The following CDH12 variants were observed in gnomAD, a reference collection of about 807,000 sequenced individuals.
The protein encoded by CDH12 is cadherin-12.
CDH12 carries 41 observed loss-of-function variants against 74.1 expected under a neutral mutation model. The observed-to-expected ratio is 0.55, with a 90% CI of 0.43 to 0.72. The LOEUF (loss-of-function observed/expected upper bound fraction) is 0.72, where lower values mean the gene tolerates loss of function less well. Among genes scored for constraint, CDH12 ranks in the 30% least tolerant of loss-of-function variants. The pLI, the probability that CDH12 is intolerant of heterozygous loss-of-function variation, is 0.00. For missense variants in CDH12, 945 were observed against 977.2 expected, an observed-to-expected ratio of 0.97 and a Z score of 0.44; for synonymous variants, 399 against 355.0, an observed-to-expected ratio of 1.12 and a Z score of -1.39.
At chr5:21,989,504 C>T (rs1277146691) in intron 5 of CDH12, among the ~76,000 whole-genome samples, 1 of 152,152 alleles carries the variant, frequency 6.6e-6, no homozygotes, top group South Asian at 2.1e-4. Flanking sequence ...AAGTAGATGA[C>T]ATCTTTCCCC....
Position 22,161,844 on chromosome 5 carries a change from AATAT to A in CDH12, c.-187+50650_-187+50653del, listed in dbSNP as rs199794635. 8.5e-3 allele frequency among the ~76,000 whole-genome samples: 1,288 copies of A among 152,208 alleles called. 20 individuals carry two copies. The highest frequency in any genetic ancestry group is 0.028 in the African/African-American group (1,146 of 41,510). On this transcript the variant is annotated intron_variant, in intron 4 of 14. Coordinates refer to ENST00000382254, the MANE Select transcript of CDH12 (RefSeq NM_004061.5). ...TTTCTGAAATCTGAGATACTAGAGAAATATATATTTAAAAAATAACATGCATAAT... is the reference window on the plus strand; with the variant it reads ...TTTCTGAAATCTGAGATACTAGAGAAATATTTAAAAAATAACATGCATAAT...
chr5:22,638,293 TAGGGAAGCTGAC>T (rs1329782977), intron 1 of CDH12, among the ~76,000 whole-genome samples: 3 of 152,048 alleles, frequency 2.0e-5, no homozygotes, highest in Non-Finnish European at 4.4e-5. Context: ...ACCTCAAAAG[TAGGGAAGCTGAC>T]AGTGCACCTT....
At chr5:22,683,847 A>G (rs9293030) in intron 1 of CDH12, among the ~76,000 whole-genome samples, 83,554 of 152,030 alleles carry the variant, frequency 0.55, 23,160 homozygotes, top group Non-Finnish European at 0.57. Flanking sequence ...CTTCACCTGA[A>G]ATGAGGCAGG....
At chr5:21,779,171 A>C (rs1189508675) in intron 11 of CDH12, 1 of 151,976 alleles carries the variant, frequency 6.6e-6, no homozygotes, top group Non-Finnish European at 1.5e-5. Context: ...TATTCTAAGG[A>C]TTTAGTGAAG....
At chr5:21,869,260 C>T (rs1407428282) in intron 6 of CDH12, among the ~76,000 whole-genome samples, 2 of 152,034 alleles carry the variant, frequency 1.3e-5, no homozygotes, top group Non-Finnish European at 2.9e-5. Context: ...TTTTATCATG[C>T]CCTATGATTA....
At position 22,231,997 on chromosome 5, in the gene CDH12, G is replaced by T. The variant is rs566719019; in HGVS notation, c.-332-19354C>A. 4.0e-5 allele frequency among the ~76,000 whole-genome samples: 6 copies of T among 151,866 alleles called. No homozygotes were observed. The South Asian group carries it at 1.2e-3, about 32-fold the overall frequency. On this transcript the variant is annotated intron_variant, in intron 3 of 14. Transcript: ENST00000382254. ...TATTTTCGAAGATATTTTATACATT[G>T]CCTAAAATATTAATGAAGGTTTTTT...
At chr5:21,887,055 C>T (rs985359241) in intron 6 of CDH12, among the ~76,000 whole-genome samples, 4 of 152,154 alleles carry the variant, frequency 2.6e-5, no homozygotes, top group Admixed American at 6.5e-5. Context: ...CATATTTACA[C>T]GATAAAATTG....
In CDH12 at chr5:21,752,220, A is replaced by G. The variant is rs1168089180; in HGVS notation, c.1902T>C (p.Tyr634=). ...TTTTCTTCTGCCTTCGCAGTGCTAC[A>G]TACAGTACAACTATGGCTGGAACAA... ...IVILLAIVVL[Y]VALRRQKKKD... The change falls in exon 15 of 15, where the codon TAT becomes TAC. Residue 634 remains tyrosine (Y), a synonymous_variant. Coordinates refer to ENST00000382254, the MANE Select transcript of CDH12 (RefSeq NM_004061.5). The G allele has an allele frequency of 6.2e-7, 1 of 1,610,854 alleles. No individual in the cohort carries two copies. Among genetic ancestry groups the G allele is most frequent in the East Asian group, 2.2e-5 (1 of 44,824 alleles).
Position 21,816,940 on chromosome 5 carries a change from T to C in CDH12, c.1002+5A>G. The C allele has an allele frequency of 6.3e-7, 1 of 1,587,364 alleles. No individual in the cohort carries two copies. Among genetic ancestry groups the C allele is most frequent in the Non-Finnish European group, 8.6e-7 (1 of 1,161,464 alleles). On this transcript the variant is annotated splice_donor_5th_base_variant and intron_variant, in intron 9 of 14. Coordinates refer to ENST00000382254, the MANE Select transcript of CDH12 (RefSeq NM_004061.5). ...AGTCAACTGTCCCAACATTTGTCTA[T>C]ATACCTTTTTCAATTTGATGACTCC...
At chr5:22,190,720 A>G (rs1023885606) in intron 4 of CDH12, among the ~76,000 whole-genome samples, 2 of 152,158 alleles carry the variant, frequency 1.3e-5, no homozygotes, top group African/African-American at 4.8e-5. Context: ...ATCTAAAGCC[A>G]ACAGTGCCTA....
At chr5:22,768,022 GA>G (rs948765662) in intron 1 of CDH12, among the ~76,000 whole-genome samples, 1 of 151,710 alleles carries the variant, frequency 6.6e-6, no homozygotes, top group East Asian at 1.9e-4. Flanking sequence ...TAAATTCAGT[GA>G]AAAAAAGACA....
At chr5:22,194,010 T>G (rs978836911) in intron 4 of CDH12, among the ~76,000 whole-genome samples, 1 of 152,106 alleles carries the variant, frequency 6.6e-6, no homozygotes, top group African/African-American at 2.4e-5. Flanking sequence ...TACTTACAAA[T>G]GTTAGAATTT....
chr5:22,425,003 A>G (rs1200928357), intron 2 of CDH12, among the ~76,000 whole-genome samples: 1 of 150,574 alleles, frequency 6.6e-6, no homozygotes, highest in African/African-American at 2.4e-5. Context: ...TATTTCTTCC[A>G]TACATGATAT....
chr5:21,973,279 A>T (rs1756932076), intron 6 of CDH12, among the ~76,000 whole-genome samples: 1 of 152,150 alleles, frequency 6.6e-6, no homozygotes, highest in Non-Finnish European at 1.5e-5. Flanking sequence ...AGTTGTCTTG[A>T]AGGCCCAATG....
rs553895471 is a variant in CDH12, at chr5:22,471,389, AC to A, written c.-428+33880del. On this transcript the variant is annotated intron_variant, in intron 2 of 14. Coordinates refer to ENST00000382254, the MANE Select transcript of CDH12 (RefSeq NM_004061.5). Reference sequence around the variant, plus strand: ...ATCATGTAATCTCTGTCCTACTCAAACACTCTTACAATAGCCTTCCATATTC... The same window carrying A: ...ATCATGTAATCTCTGTCCTACTCAAAACTCTTACAATAGCCTTCCATATTC... Among the ~76,000 whole-genome samples the A allele has an allele frequency of 2.1e-3, 323 of 152,148 alleles. 2 individuals are homozygous for A. The highest frequency in any genetic ancestry group is 3.8e-3 in the Non-Finnish European group (260 of 67,980).
chr5:22,621,864 G>A (rs189575754), intron 1 of CDH12, among the ~76,000 whole-genome samples: 14 of 152,104 alleles, frequency 9.2e-5, no homozygotes, highest in African/African-American at 2.4e-4. Flanking sequence ...CACCCCCACT[G>A]TAAAAACACA....
At chr5:22,789,838 T>C (rs925344353) in intron 1 of CDH12, among the ~76,000 whole-genome samples, 1 of 151,806 alleles carries the variant, frequency 6.6e-6, no homozygotes, top group African/African-American at 2.4e-5. Flanking sequence ...TAAATAGTTA[T>C]ATATTTATTT....
intron 5 of CDH12, among the ~76,000 whole-genome samples, chr5:22,073,171 T>C (rs1475410041): frequency 1.3e-5 from 2 of 152,170 alleles, no homozygotes; most frequent in Non-Finnish European, 2.9e-5. Context: ...TCAGTTGTAA[T>C]GCATTCTTCA....
At chr5:22,699,604 C>T (rs1346459536) in intron 1 of CDH12, among the ~76,000 whole-genome samples, 1 of 152,008 alleles carries the variant, frequency 6.6e-6, no homozygotes, top group East Asian at 1.9e-4. Context: ...AAGAAGGGTA[C>T]CACACATGAT....
Sources: gnomAD v4.1 joint callset for allele counts (sites outside exome capture counted in the v4.1 genomes callset) on GRCh38, gnomAD v4.1.1 for gene constraint, MANE v1.5 for transcripts, NCBI Gene and HGNC (gene_info 2026-07-23, HGNC 2026-07-21) for gene names.